The following RALYL variants were observed in gnomAD, a reference collection of about 807,000 sequenced individuals.
The protein encoded by RALYL is RNA-binding Raly-like protein.
RALYL carries 29 observed loss-of-function variants against 35.1 expected under a neutral mutation model. The observed-to-expected ratio is 0.83, with a 90% CI of 0.61 to 1.13. The LOEUF (loss-of-function observed/expected upper bound fraction) is 1.13. Among genes scored for constraint, RALYL ranks in the 50% most tolerant of loss-of-function variants. The pLI, the probability that RALYL is intolerant of heterozygous loss-of-function variation, is 0.00. For synonymous variants in RALYL, 120 were observed against 127.6 expected (o/e 0.94, Z 0.40); for missense variants, 359 against 360.4 (o/e 1.00, Z 0.03).
intron 2 of RALYL, among the ~76,000 whole-genome samples, chr8:84,731,371 T>A (rs1468929548): frequency 1.3e-5 from 2 of 152,156 alleles, no homozygotes; most frequent in Non-Finnish European, 2.9e-5. Flanking sequence ...TTTAAGGGCA[T>A]AGAGTAAAGT....
chr8:84,572,928 A>AT (rs530064477), intron 2 of RALYL, among the ~76,000 whole-genome samples: 169 of 150,786 alleles, frequency 1.1e-3, no homozygotes, highest in African/African-American at 3.4e-3. Context: ...CTACTATTGG[A>AT]TTTTTTTGCT....
intron 2 of RALYL, among the ~76,000 whole-genome samples, chr8:84,688,775 G>A (rs1564377310): frequency 6.6e-6 from 1 of 152,060 alleles, no homozygotes; most frequent in African/African-American, 2.4e-5. Flanking sequence ...AACAATCATG[G>A]AGTGAAGAGT....
intron 1 of RALYL, among the ~76,000 whole-genome samples, chr8:84,275,481 A>G (rs963879226): frequency 1.3e-5 from 2 of 151,472 alleles, no homozygotes; most frequent in Admixed American, 6.6e-5. Flanking sequence ...TGAAATATAT[A>G]TATATATATA....
At chr8:84,666,384 A>G (rs1414790247) in intron 2 of RALYL, among the ~76,000 whole-genome samples, 1 of 152,024 alleles carries the variant, frequency 6.6e-6, no homozygotes, top group Non-Finnish European at 1.5e-5. Flanking sequence ...GCACACACAC[A>G]AAGATAAATA....
chr8:84,816,032 CAAAAAAAAAA>C (rs5892931), intron 4 of RALYL, among the ~76,000 whole-genome samples: 1 of 84,196 alleles, frequency 1.2e-5, no homozygotes, highest in Non-Finnish European at 2.3e-5. Context: ...GACTCTGTCT[CAAAAAAAAAA>C]AAAAAAAAAA....
rs541393674 is a variant in RALYL, at chr8:84,496,096, G to GA, written c.-23-33198dup. Reference sequence around the variant, plus strand: ...TGAATACTGTTTGCCTGTTCTACTAGAAAAATTGATCTTTGTTCATGGTAT... The same window carrying GA: ...TGAATACTGTTTGCCTGTTCTACTAGAAAAAATTGATCTTTGTTCATGGTAT... On this transcript the variant is annotated intron_variant, in intron 1 of 8. Transcript: ENST00000521268. Among the ~76,000 whole-genome samples, 323 of 152,152 alleles carry GA rather than the reference G, an allele frequency of 2.1e-3. 1 individual carries two copies. Among genetic ancestry groups the GA allele is most frequent in the African/African-American group, 7.1e-3 (297 of 41,554 alleles).
intron 1 of RALYL, among the ~76,000 whole-genome samples, chr8:84,424,282 C>T (rs1169499552): frequency 6.4e-5 from 9 of 139,794 alleles, no homozygotes; most frequent in Non-Finnish European, 7.7e-5. Context: ...CTTCCCTTCT[C>T]GCTTCATTTC....
At chr8:84,530,009 G>A (rs993067143) in intron 2 of RALYL, among the ~76,000 whole-genome samples, 16 of 152,138 alleles carry the variant, frequency 1.1e-4, no homozygotes, top group African/African-American at 3.1e-4. Context: ...AGAAAATAGC[G>A]AAAGAAAGTA....
intron 1 of RALYL, among the ~76,000 whole-genome samples, chr8:84,316,148 T>C (rs1169890941): frequency 6.6e-6 from 1 of 152,158 alleles, no homozygotes; most frequent in Non-Finnish European, 1.5e-5. Context: ...CCATCTTTAC[T>C]CTGATTTCCC....
At chr8:84,419,497 T>A (rs1451102079) in intron 1 of RALYL, among the ~76,000 whole-genome samples, 1 of 152,138 alleles carries the variant, frequency 6.6e-6, no homozygotes, top group East Asian at 1.9e-4. Context: ...GCTAGTACTA[T>A]CCTGAGAAGT....
chr8:84,763,200 C>T (rs1335308747), intron 2 of RALYL, among the ~76,000 whole-genome samples: 2 of 151,838 alleles, frequency 1.3e-5, no homozygotes, highest in African/African-American at 2.4e-5. Context: ...CATATATACG[C>T]GTATGAAAAG....
chr8:84,566,178 T>C (rs1475662774), intron 2 of RALYL, among the ~76,000 whole-genome samples: 2 of 151,506 alleles, frequency 1.3e-5, no homozygotes, highest in Non-Finnish European at 3.0e-5. Flanking sequence ...CATTTCGTGC[T>C]TTCTCATGCT....
intron 8 of RALYL, among the ~76,000 whole-genome samples, chr8:84,891,386 T>C (rs1353392948): frequency 6.6e-6 from 1 of 152,152 alleles, no homozygotes; most frequent in East Asian, 1.9e-4. Flanking sequence ...GATCAGAAAT[T>C]TCAAAAACCA....
At chr8:84,633,775 T>C (rs1824442742) in intron 2 of RALYL, among the ~76,000 whole-genome samples, 1 of 151,892 alleles carries the variant, frequency 6.6e-6, no homozygotes, top group Non-Finnish European at 1.5e-5. Flanking sequence ...CTATCTCTCA[T>C]GTGTTTTTAC....
chr8:84,529,706 T>C (rs1485839551), intron 2 of RALYL, 129 bp downstream of exon 2: 21 of 689,004 alleles, frequency 3.0e-5, no homozygotes, highest in Non-Finnish European at 4.6e-5. Context: ...TTATATTTAT[T>C]ATTTATATTT....
At chr8:84,340,189 T>G (rs753495868) in intron 1 of RALYL, among the ~76,000 whole-genome samples, 5 of 152,088 alleles carry the variant, frequency 3.3e-5, no homozygotes, top group Admixed American at 6.6e-5. Context: ...TTTATTAAAT[T>G]ACCTAGTCTC....
intron 1 of RALYL, among the ~76,000 whole-genome samples, chr8:84,376,427 T>C (rs557383155): frequency 2.0e-5 from 3 of 151,940 alleles, no homozygotes. Flanking sequence ...GAAGGTTATA[T>C]GTATGAGCCC....
intron 8 of RALYL, among the ~76,000 whole-genome samples, chr8:84,906,284 T>A (rs114586978): frequency 0.3 from 45,820 of 151,880 alleles, 7,429 homozygotes; most frequent in East Asian, 0.61. Context: ...CTTTAATGAT[T>A]TTTTTCTAGC....
intron 2 of RALYL, among the ~76,000 whole-genome samples, chr8:84,773,592 T>C (rs1816087486): frequency 6.9e-6 from 1 of 144,662 alleles, no homozygotes; most frequent in African/African-American, 2.5e-5. Flanking sequence ...TTTTGTCACA[T>C]ACTTAAACCT....
Sources: allele counts gnomAD v4.1 joint callset (sites outside exome capture counted in the v4.1 genomes callset), GRCh38; gene constraint gnomAD v4.1.1; transcripts MANE v1.5; gene names NCBI Gene and HGNC (gene_info 2026-07-23, HGNC 2026-07-21).